The following KIAA0753 variants were observed in gnomAD, a reference collection of about 807,000 sequenced individuals.
The protein encoded by KIAA0753 is protein moonraker.
KIAA0753 carries 114 observed loss-of-function variants against 116.9 expected under a neutral mutation model. That is an observed-to-expected ratio of 0.98 (90% CI 0.84 to 1.14). The LOEUF is 1.14. KIAA0753 is among the 50% of genes most tolerant of loss of function. KIAA0753 has a pLI of 0.00. For synonymous variants in KIAA0753, 405 were observed against 413.1 expected (o/e 0.98, Z 0.24); for missense variants, 1,156 against 1,172.4 (o/e 0.99, Z 0.20).
chr17:6,636,158 A>T (rs1441345338), intron 1 of KIAA0753: 1 of 152,212 alleles, frequency 6.6e-6, no homozygotes, highest in African/African-American at 2.4e-5. Context: ...CTTTTGAATA[A>T]ATCCAAAATT....
In KIAA0753 at chr17:6,628,274, C is replaced by G. The variant is rs1324222310; in HGVS notation, c.561G>C (p.Val187=). ...GATCATGGGTGGGTGGCGAATTTGG[C>G]ACAGTAAGATCTGACTGGCCTGGAT... ...SSHPGQSDLT[V]PNSPPTHDPG... The change falls in exon 3 of 19, where the codon GTG becomes GTC. Residue 187 remains valine, a synonymous_variant. Transcript: ENST00000361413. 6.2e-7 allele frequency: 1 copy of G among 1,614,154 alleles called. No individual in the cohort carries two copies. The highest frequency in any genetic ancestry group is 1.7e-5 in the Admixed American group (1 of 60,018).
At chr17:6,603,822 G>A (rs1970023987) in intron 12 of KIAA0753, among the ~76,000 whole-genome samples, 1 of 152,236 alleles carries the variant, frequency 6.6e-6, no homozygotes. Context: ...AGCCGAGAAA[G>A]ATGGAAAACT....
At chr17:6,610,248 C>T in intron 8 of KIAA0753, 88 bp from the exon 9 acceptor site, 1 of 1,384,114 alleles carries the variant, frequency 7.2e-7, no homozygotes. Context: ...TCCAAGTTCT[C>T]CATGTTATTC....
intron 16 of KIAA0753, among the ~76,000 whole-genome samples, chr17:6,594,284 C>A (rs866489179): frequency 8.7e-5 from 13 of 149,966 alleles, no homozygotes; most frequent in East Asian, 7.9e-4. Flanking sequence ...CTGACCCCCC[C>A]CCCCAGAACT....
intron 3 of KIAA0753, 100 bp from the exon 4 acceptor site, chr17:6,624,961 T>C (rs891159506): frequency 1.2e-6 from 1 of 802,910 alleles, no homozygotes; most frequent in Non-Finnish European, 2.0e-6. Flanking sequence ...GTTGAAGATC[T>C]CTGGTTTTAT....
intron 7 of KIAA0753, among the ~76,000 whole-genome samples, chr17:6,618,118 GA>G (rs200312478): frequency 4.7e-5 from 7 of 149,306 alleles, no homozygotes; most frequent in South Asian, 2.1e-4. Flanking sequence ...AAGAAAAAAA[GA>G]AAAAAAAAAT....
intron 18 of KIAA0753, among the ~76,000 whole-genome samples, chr17:6,586,116 G>A: frequency 6.6e-6 from 1 of 152,038 alleles, no homozygotes; most frequent in South Asian, 2.1e-4. Flanking sequence ...AAAAGTGTGT[G>A]GCATTCTCCC....
intron 2 of KIAA0753, among the ~76,000 whole-genome samples, chr17:6,632,177 C>A (rs1972056154): frequency 6.6e-6 from 1 of 152,160 alleles, no homozygotes; most frequent in African/African-American, 2.4e-5. Context: ...GCTGGGATTA[C>A]AGGCATGAGC....
At chr17:6,624,987 G>T (rs1034584684) in intron 3 of KIAA0753, 126 bp from the exon 4 acceptor site, 1 of 667,882 alleles carries the variant, frequency 1.5e-6, no homozygotes. Context: ...AAAAAATGAG[G>T]CTATCATAAC....
At chr17:6,602,783 T>C (rs911959501) in intron 12 of KIAA0753, among the ~76,000 whole-genome samples, 2 of 152,238 alleles carry the variant, frequency 1.3e-5, no homozygotes, top group African/African-American at 2.4e-5. Flanking sequence ...TATACCACGA[T>C]AGAAACAATT....
chr17:6,607,157 C>T, intron 11 of KIAA0753, 24 bp downstream of exon 11: 1 of 1,592,846 alleles, frequency 6.3e-7, no homozygotes, highest in Non-Finnish European at 8.6e-7. Context: ...CTTACCTTTT[C>T]CTAACTCAGA....
At chr17:6,596,119 C>G (rs750698872) in intron 15 of KIAA0753, 39 bp downstream of exon 15, 1 of 1,591,698 alleles carries the variant, frequency 6.3e-7, no homozygotes, top group South Asian at 1.1e-5. Context: ...CAGAGGCCAG[C>G]CCCTAGCAGC....
At position 6,622,988 on chromosome 17, in the gene KIAA0753, C is replaced by A. The variant is rs751148231; in HGVS notation, c.998G>T (p.Cys333Phe). Residue 333 changes from cysteine (C) to phenylalanine (F), a missense_variant, in exon 6 of 19, where the codon TGT (cysteine) becomes TTT (phenylalanine). Cys to Phe is a radical substitution (Grantham distance 205). Transcript: ENST00000361413. ...DRGEHPLPAR[C>F]KELGSLIRQL... ...GCGAATAAGGCTGCCCAGTTCCTTA[C>A]ACCGAGCAGGAAGTGGATGCTCCCC... 77 of 1,614,076 alleles carry A rather than the reference C, an allele frequency of 4.8e-5. No individual in the cohort carries two copies. The highest frequency in any genetic ancestry group is 4.5e-5 in the Non-Finnish European group (53 of 1,180,026).
intron 7 of KIAA0753, among the ~76,000 whole-genome samples, chr17:6,614,659 G>T (rs1192042397): frequency 3.9e-5 from 6 of 152,158 alleles, no homozygotes; most frequent in Non-Finnish European, 7.3e-5. Flanking sequence ...AGGGAGAAAA[G>T]AGAATGGAAT....
intron 2 of KIAA0753, among the ~76,000 whole-genome samples, chr17:6,633,725 G>A (rs1425372618): frequency 6.6e-6 from 1 of 152,130 alleles, no homozygotes; most frequent in Non-Finnish European, 1.5e-5. Flanking sequence ...ATAAACTACT[G>A]ATACATGCAA....
chr17:6,580,576 A>G (rs993638332), intron 18 of KIAA0753, among the ~76,000 whole-genome samples: 20 of 152,182 alleles, frequency 1.3e-4, no homozygotes, highest in African/African-American at 4.3e-4. Flanking sequence ...TTGGCCTCCC[A>G]AAGTGCTGGG....
At chr17:6,629,743 A>G (rs1415430462) in intron 2 of KIAA0753, among the ~76,000 whole-genome samples, 2 of 152,228 alleles carry the variant, frequency 1.3e-5, no homozygotes, top group Non-Finnish European at 2.9e-5. Flanking sequence ...ATGTGTTTAT[A>G]TAATTACAGG....
At chr17:6,609,967 C>T (rs769229326) in intron 9 of KIAA0753, 27 bp downstream of exon 9, 2 of 1,612,006 alleles carry the variant, frequency 1.2e-6, no homozygotes, top group Non-Finnish European at 1.7e-6. Context: ...ATCACATACA[C>T]AAACGGTCCC....
At chr17:6,610,804 TAGG>T in intron 8 of KIAA0753, among the ~76,000 whole-genome samples, 1 of 152,110 alleles carries the variant, frequency 6.6e-6, no homozygotes, top group Non-Finnish European at 1.5e-5. Context: ...CTCTGGGCCT[TAGG>T]TCTAAATAGA....
Sources: allele counts gnomAD v4.1 joint callset (sites outside exome capture counted in the v4.1 genomes callset), GRCh38; gene constraint gnomAD v4.1.1; transcripts MANE v1.5; gene names NCBI Gene and HGNC (gene_info 2026-07-23, HGNC 2026-07-21).